Variants in ZGRF1 observed in about 807,000 individuals in gnomAD.
ZGRF1 encodes the protein zinc finger GRF-type containing 1.
A neutral mutation model predicts 203.5 loss-of-function variants in ZGRF1; 196 were observed. The ratio of observed to expected loss-of-function variants is 0.96; its 90% CI spans 0.86 to 1.08. The LOEUF is 1.08. Ranked by LOEUF, ZGRF1 falls within the 50% of genes least tolerant of loss-of-function variation. ZGRF1 has a pLI of 0.00. For missense variants in ZGRF1, 2,326 were observed against 2,416.3 expected (o/e 0.96, Z 0.78); for synonymous variants, 809 against 841.3 (o/e 0.96, Z 0.66).
At chr4:112,549,287 AAAC>A (rs1739431501) in intron 22 of ZGRF1, among the ~76,000 whole-genome samples, 1 of 152,220 alleles carries the variant, frequency 6.6e-6, no homozygotes, top group Non-Finnish European at 1.5e-5. Flanking sequence ...AATTAGATGT[AAAC>A]AATAGGGAAA....
At chr4:112,628,738 G>C in intron 3 of ZGRF1, 1 of 451,224 alleles carries the variant, frequency 2.2e-6, no homozygotes, top group Non-Finnish European at 4.5e-6. Context: ...AGATAAAGTT[G>C]GATAATAGCA....
intron 7 of ZGRF1, among the ~76,000 whole-genome samples, chr4:112,609,683 A>C (rs1247693740): frequency 6.6e-6 from 1 of 151,928 alleles, no homozygotes; most frequent in East Asian, 2.0e-4. Context: ...GGCACACCCC[A>C]GCTACTCAGG....
Position 112,541,224 on chromosome 4 carries a change from A to G in ZGRF1, c.5643T>C (p.Pro1881=). Residue 1881 remains proline (P), a synonymous_variant, in exon 25 of 28, where the codon CCT becomes CCC. Transcript: ENST00000505019. ...ILLRTQYRCH[P]AISAIANDLF... is the part of the protein sequence containing the mutation. ...GATCATTAGCAATAGCACTGATTGC[A>G]GGATGACAACGGTATTGAGTTCTCA... The G allele has an allele frequency of 2.5e-6, 4 of 1,609,262 alleles. No homozygotes were observed. The South Asian group carries it at 3.3e-5, about 13-fold the overall frequency.
At chr4:112,623,161 C>A (rs1348781315) in intron 4 of ZGRF1, among the ~76,000 whole-genome samples, 1 of 152,180 alleles carries the variant, frequency 6.6e-6, no homozygotes, top group African/African-American at 2.4e-5. Context: ...CCAGCTCCAT[C>A]CATATTCCTG....
At position 112,562,177 on chromosome 4, in the gene ZGRF1, G is replaced by A. The variant is rs112548407; in HGVS notation, c.4697+194C>T. The A allele has an allele frequency of 4.3e-5, 19 of 445,414 alleles. 2 individuals are homozygous for A. The highest frequency in any genetic ancestry group is 2.4e-4 in the African/African-American group (12 of 50,132). The allele number at this position is 445,414 out of a possible 1,614,324, so 27.6% of individuals were successfully genotyped here. On this transcript the variant is annotated intron_variant, in intron 18 of 27. Coordinates refer to ENST00000505019, the MANE Select transcript of ZGRF1 (RefSeq NM_018392.5). Reference sequence around the variant, plus strand: ...GCCCACCTCGGCCTCCCAAAGTGCTGGGATTACAGGCATGAGCCACTGCAC... The same window carrying A: ...GCCCACCTCGGCCTCCCAAAGTGCTAGGATTACAGGCATGAGCCACTGCAC...
rs569455498 is a variant in ZGRF1, at chr4:112,619,875, C to T, written c.351+127G>A. ...AGATTTTTCAAAGTAGGGTTTACTT[C>T]CTTTCTACCTAAGTATACTATGAAG... On this transcript the variant is annotated intron_variant, in intron 5 of 27. Coordinates refer to ENST00000505019, the MANE Select transcript of ZGRF1 (RefSeq NM_018392.5). 43 of 909,870 alleles carry T rather than the reference C, an allele frequency of 4.7e-5. No individual in the cohort carries two copies. In the African/African-American group the frequency reaches 6.4e-4, roughly 14 times the overall value. The allele number at this position is 909,870 out of a possible 1,614,324, so 56.4% of individuals were successfully genotyped here. A position where few individuals can be genotyped will look rare whatever the true frequency, so the allele number is the denominator to read the frequency against.
chr4:112,596,459 C>T (rs1560827878), intron 10 of ZGRF1, among the ~76,000 whole-genome samples: 1 of 151,876 alleles, frequency 6.6e-6, no homozygotes, highest in Admixed American at 6.6e-5. Context: ...GGAAAAGCAA[C>T]AAAGAAATAT....
intron 24 of ZGRF1, among the ~76,000 whole-genome samples, chr4:112,542,978 G>A (rs1737985768): frequency 6.6e-6 from 1 of 151,934 alleles, no homozygotes; most frequent in Non-Finnish European, 1.5e-5. Context: ...TTATAGGCAT[G>A]AGCCATCACA....
Position 112,558,134 on chromosome 4 carries a change from C to T in ZGRF1, c.5120+16G>A. On this transcript the variant is annotated intron_variant, in intron 20 of 27. Coordinates refer to ENST00000505019, the MANE Select transcript of ZGRF1 (RefSeq NM_018392.5). ...TCCCAAAACATTAGCTACTTAAATGCACTTGTCATGCCTACCCAAGAAGTA... is the reference window on the plus strand; with the variant it reads ...TCCCAAAACATTAGCTACTTAAATGTACTTGTCATGCCTACCCAAGAAGTA... 6.3e-7 allele frequency: 1 copy of T among 1,595,770 alleles called. No homozygotes were observed. Among genetic ancestry groups the T allele is most frequent in the Non-Finnish European group, 8.5e-7 (1 of 1,172,940 alleles).
chr4:112,608,041 A>C (rs989082344), intron 8 of ZGRF1: 1 of 152,170 alleles, frequency 6.6e-6, no homozygotes, highest in African/African-American at 2.4e-5. Flanking sequence ...GATTATTAAG[A>C]CCTTTTCATT....
In ZGRF1 at chr4:112,584,188, A is replaced by G; in HGVS notation, c.4102-14T>C. The G allele has an allele frequency of 6.5e-7, 1 of 1,529,476 alleles. No homozygotes were observed. The highest frequency in any genetic ancestry group is 8.8e-7 in the Non-Finnish European group (1 of 1,136,754). 94.7% of individuals were successfully genotyped at this position (1,529,476 alleles called of 1,614,324 possible). On this transcript the variant is annotated splice_polypyrimidine_tract_variant and intron_variant, in intron 14 of 27. Transcript: ENST00000505019. ...AAAGAGACGACCCTAAGGGGAAAGA[A>G]AAAAGATCAACATTTAGTGAAAAAA... is the stretch of plus-strand genomic sequence containing the variant.
intron 11 of ZGRF1, 82 bp downstream of exon 11, chr4:112,589,642 A>G (rs775192156): frequency 8.1e-7 from 1 of 1,238,690 alleles, no homozygotes; most frequent in Non-Finnish European, 1.2e-6. Flanking sequence ...GTTCTAAGAT[A>G]TATTTAGTGT....
chr4:112,552,788 G>A (rs998107417), intron 22 of ZGRF1, among the ~76,000 whole-genome samples: 6 of 152,182 alleles, frequency 3.9e-5, no homozygotes, highest in African/African-American at 1.2e-4. Context: ...TCCCACCAGA[G>A]AAGTAGGGGA....
At chr4:112,548,812 T>C (rs1739343186) in intron 22 of ZGRF1, among the ~76,000 whole-genome samples, 1 of 151,804 alleles carries the variant, frequency 6.6e-6, no homozygotes, top group African/African-American at 2.4e-5. Flanking sequence ...ATTAGTTTTA[T>C]TTATTTAAAA....
chr4:112,575,640 T>G (rs920011960), intron 16 of ZGRF1, among the ~76,000 whole-genome samples: 3 of 152,342 alleles, frequency 2.0e-5, no homozygotes, highest in Non-Finnish European at 2.9e-5. Context: ...ATCCCGTGCC[T>G]GGATCAGAGG....
intron 16 of ZGRF1, among the ~76,000 whole-genome samples, chr4:112,571,812 A>C (rs1305908197): frequency 1.3e-5 from 2 of 152,236 alleles, no homozygotes; most frequent in African/African-American, 4.8e-5. Flanking sequence ...AGAGTAAAGG[A>C]CCAAGAACAG....
At chr4:112,597,431 G>A (rs1043674889) in intron 10 of ZGRF1, among the ~76,000 whole-genome samples, 4 of 151,994 alleles carry the variant, frequency 2.6e-5, no homozygotes, top group African/African-American at 9.7e-5. Context: ...GGCTGAGGCA[G>A]GAGGTTGGCT....
At chr4:112,615,506 G>A (rs1051891416) in intron 6 of ZGRF1, among the ~76,000 whole-genome samples, 3 of 151,970 alleles carry the variant, frequency 2.0e-5, no homozygotes, top group African/African-American at 7.3e-5. Context: ...TTACAGGCAT[G>A]AGCCACCACA....
chr4:112,599,212 T>C (rs17044847), intron 10 of ZGRF1, among the ~76,000 whole-genome samples: 59,755 of 151,874 alleles, frequency 0.39, 12,006 homozygotes, highest in South Asian at 0.49. Context: ...CTGGAAGATA[T>C]TGCAGCAGAT....
Sources: gnomAD v4.1 joint callset for allele counts (sites outside exome capture counted in the v4.1 genomes callset) on GRCh38, gnomAD v4.1.1 for gene constraint, MANE v1.5 for transcripts, NCBI Gene and HGNC (gene_info 2026-07-23, HGNC 2026-07-21) for gene names.